Variants in ZNF678 observed in about 807,000 individuals in gnomAD.
ZNF678 encodes the protein hypothetical protein MGC42493.
In ZNF678, 5 loss-of-function variants were observed where a neutral mutation model predicts 3.0. The observed-to-expected ratio is 1.69, with a 90% confidence interval of 0.88 to 3.56. The LOEUF is 3.56. ZNF678 is among the 30% of genes most tolerant of loss of function. The probability of loss-of-function intolerance (pLI) is 0.00; values close to 1 mark genes in which losing one functional copy is unlikely to be tolerated. For synonymous variants in ZNF678, 218 were observed against 199.6 expected, an observed-to-expected ratio of 1.09 and a Z score of -0.78; for missense variants, 593 against 605.0, an observed-to-expected ratio of 0.98 and a Z score of 0.21.
chr1:227,612,302 T>C (rs1658040035), intron 1 of ZNF678, among the ~76,000 whole-genome samples: 1 of 152,290 alleles, frequency 6.6e-6, no homozygotes, highest in East Asian at 1.9e-4. Flanking sequence ...CTTGGTTATC[T>C]TTTCATCCTC....
chr1:227,626,633 T>G (rs1001802230), intron 1 of ZNF678, among the ~76,000 whole-genome samples: 1 of 152,128 alleles, frequency 6.6e-6, no homozygotes, highest in Non-Finnish European at 1.5e-5. Context: ...TGAGTCCCGC[T>G]TTTTGGGGAG....
At chr1:227,616,164 T>C (rs1658136255) in intron 1 of ZNF678, among the ~76,000 whole-genome samples, 1 of 152,192 alleles carries the variant, frequency 6.6e-6, no homozygotes, top group South Asian at 2.1e-4. Context: ...TGTTTACCTA[T>C]TTTCTTACCC....
downstream of ZNF678, among the ~76,000 whole-genome samples, chr1:227,662,689 A>G (rs1371368499): frequency 6.6e-6 from 1 of 152,228 alleles, no homozygotes; most frequent in Non-Finnish European, 1.5e-5. Context: ...CACAGACACC[A>G]GATTGGCAAA....
chr1:227,578,912 G>A lies in ZNF678; in HGVS notation c.-164+15188G>A, dbSNP rs551106733. The stretch of plus-strand genomic sequence containing the variant: ...TTTGAGGTAGCTGGCCTTTGGATGC[G>A]CTTTCTTCTTCTTCTTTTATTGTAT... On this transcript the variant is annotated intron_variant, in intron 1 of 3. Transcript: ENST00000343776. Among the ~76,000 whole-genome samples the A allele has an allele frequency of 9.2e-5, 14 of 152,184 alleles. No homozygotes were observed. In the South Asian group the frequency reaches 2.1e-3, roughly 23 times the overall value.
At chr1:227,598,647 A>T in intron 1 of ZNF678, 1 of 552,926 alleles carries the variant, frequency 1.8e-6, no homozygotes, top group East Asian at 3.6e-5. Flanking sequence ...GAGCCCTTTA[A>T]TGTCCTTTTC....
chr1:227,665,535 T>C (rs1487215271), downstream of ZNF678, among the ~76,000 whole-genome samples: 3 of 152,224 alleles, frequency 2.0e-5, no homozygotes, highest in Non-Finnish European at 4.4e-5. Flanking sequence ...GGCCGGAGGC[T>C]TAAGGTTGTA....
chr1:227,576,597 GT>G (rs1367759687), intron 1 of ZNF678, among the ~76,000 whole-genome samples: 2 of 152,060 alleles, frequency 1.3e-5, no homozygotes, highest in Non-Finnish European at 2.9e-5. Flanking sequence ...TATCCCCCTT[GT>G]CGTTTTCTAT....
At chr1:227,610,997 A>G (rs1658003347) in intron 1 of ZNF678, among the ~76,000 whole-genome samples, 1 of 152,232 alleles carries the variant, frequency 6.6e-6, no homozygotes, top group African/African-American at 2.4e-5. Context: ...CCATCTTGGA[A>G]GAAGTTCAGA....
intron 1 of ZNF678, among the ~76,000 whole-genome samples, chr1:227,579,614 G>C (rs1460927739): frequency 2.0e-5 from 3 of 152,170 alleles, no homozygotes; most frequent in Non-Finnish European, 4.4e-5. Context: ...AGACAGGCTT[G>C]TGCATGGTCA....
downstream of ZNF678, among the ~76,000 whole-genome samples, chr1:227,665,554 T>C (rs902206745): frequency 6.6e-6 from 1 of 152,196 alleles, no homozygotes; most frequent in African/African-American, 2.4e-5. Flanking sequence ...TACACTTACC[T>C]GGCAAAGAGA....
intron 1 of ZNF678, among the ~76,000 whole-genome samples, chr1:227,610,117 G>T (rs1027483986): frequency 6.6e-6 from 1 of 151,974 alleles, no homozygotes; most frequent in Non-Finnish European, 1.5e-5. Flanking sequence ...ATAAGTATGA[G>T]TTTATACAGA....
At chr1:227,569,147 G>T (rs540577536) in intron 1 of ZNF678, among the ~76,000 whole-genome samples, 14 of 152,252 alleles carry the variant, frequency 9.2e-5, no homozygotes, top group African/African-American at 3.4e-4. Context: ...ATACTACCAT[G>T]CCTGGCTAAT....
intron 1 of ZNF678, among the ~76,000 whole-genome samples, chr1:227,581,660 T>C (rs537132749): frequency 3.0e-4 from 46 of 152,342 alleles, no homozygotes; most frequent in African/African-American, 9.9e-4. Context: ...TCAACTTGTA[T>C]TGTTGATAAA....
intron 1 of ZNF678, among the ~76,000 whole-genome samples, chr1:227,629,600 C>A (rs1172921853): frequency 6.6e-6 from 1 of 152,236 alleles, no homozygotes; most frequent in Non-Finnish European, 1.5e-5. Context: ...AGACAGTTAA[C>A]CTCCAGGCCT....
intron 1 of ZNF678, among the ~76,000 whole-genome samples, chr1:227,632,711 C>A (rs953769792): frequency 6.6e-6 from 1 of 152,112 alleles, no homozygotes; most frequent in Non-Finnish European, 1.5e-5. Flanking sequence ...TATTTTCCTC[C>A]GATTCTAAGG....
intron 1 of ZNF678, among the ~76,000 whole-genome samples, chr1:227,581,644 A>G (rs1344201077): frequency 1.3e-5 from 2 of 152,228 alleles, no homozygotes; most frequent in Admixed American, 1.3e-4. Context: ...ATTCCATTGT[A>G]TAAAATCAAC....
chr1:227,608,086 G>C (rs866997576), intron 1 of ZNF678, among the ~76,000 whole-genome samples: 12 of 151,876 alleles, frequency 7.9e-5, no homozygotes, highest in African/African-American at 2.9e-4. Context: ...AAAGTTTAAG[G>C]CTCCAAAAGT....
chr1:227,668,725 G>A (rs1462094591), intron 5 of ZNF678, among the ~76,000 whole-genome samples: 1 of 152,172 alleles, frequency 6.6e-6, no homozygotes, highest in Non-Finnish European at 1.5e-5. Context: ...TCTACTTTGA[G>A]TTAAATTTTT....
At chr1:227,602,525 A>G (rs1657761509) in intron 1 of ZNF678, among the ~76,000 whole-genome samples, 1 of 152,242 alleles carries the variant, frequency 6.6e-6, no homozygotes, top group African/African-American at 2.4e-5. Flanking sequence ...CCATAAGATA[A>G]CAGTAATTCG....
Sources: gnomAD v4.1 joint callset for allele counts (sites outside exome capture counted in the v4.1 genomes callset) on GRCh38, gnomAD v4.1.1 for gene constraint, MANE v1.5 for transcripts, NCBI Gene and HGNC (gene_info 2026-07-23, HGNC 2026-07-21) for gene names.